PCLO: variants seen among roughly 807,000 people sequenced by gnomAD.
PCLO encodes the protein protein piccolo.
PCLO carries 82 observed loss-of-function variants against 427.5 expected under a neutral mutation model. The observed-to-expected ratio is 0.19, with a 90% confidence interval of 0.16 to 0.23. The LOEUF (loss-of-function observed/expected upper bound fraction) is 0.23, where lower values mean the gene tolerates loss of function less well. Ranked by LOEUF, PCLO falls within the 10% of genes least tolerant of loss-of-function variation. The pLI is 1.00. For synonymous variants in PCLO, 2,357 were observed against 2,155.4 expected (o/e 1.09, Z -2.59); for missense variants, 6,239 against 6,115.9 (o/e 1.02, Z -0.67).
intron 14 of PCLO, among the ~76,000 whole-genome samples, chr7:82,841,223 A>C (rs1039167366): frequency 2.7e-4 from 41 of 152,068 alleles, no homozygotes; most frequent in African/African-American, 9.2e-4. Flanking sequence ...AAACATGTTG[A>C]CACTGCTAAG....
chr7:83,155,779 T>C lies in PCLO; in HGVS notation c.862A>G (p.Ile288Val), dbSNP rs778759058. The part of the protein sequence containing the change: ...ASRPQTKQAD[I>V]VRGESVKPSL... ...GGTTTAACTGATTCTCCCCTTACTATGTCTGCCTGTTTAGTCTGAGGCCTG... is the reference window on the plus strand; with the variant it reads ...GGTTTAACTGATTCTCCCCTTACTACGTCTGCCTGTTTAGTCTGAGGCCTG... Residue 288 changes from isoleucine to valine, a missense_variant, in exon 2 of 25, where the codon ATA becomes GTA. Physicochemically the swap from Ile to Val is conservative, Grantham distance 29 (BLOSUM62 3). This residue lies in a region of PCLO where 4,677 missense variants were observed against 4,468.4 expected (regional missense o/e 1.05). Coordinates refer to ENST00000333891, the MANE Select transcript of PCLO (RefSeq NM_033026.6). The C allele has an allele frequency of 5.0e-6, 8 of 1,613,970 alleles. No homozygotes were observed. The highest frequency in any genetic ancestry group is 6.8e-6 in the Non-Finnish European group (8 of 1,179,864).
chr7:82,972,374 A>G (rs1291464968), intron 3 of PCLO, among the ~76,000 whole-genome samples: 2 of 152,042 alleles, frequency 1.3e-5, no homozygotes, highest in Non-Finnish European at 2.9e-5. Flanking sequence ...CTGTAACTAT[A>G]GCAACAATCC....
At chr7:82,770,249 C>T (rs7780906) in intron 22 of PCLO, among the ~76,000 whole-genome samples, 1 of 151,750 alleles carries the variant, frequency 6.6e-6, no homozygotes, top group Non-Finnish European at 1.5e-5. Context: ...TTCCCTTATT[C>T]TTTTTTTAAA....
chr7:82,962,707 A>G (rs1405260133), intron 4 of PCLO, among the ~76,000 whole-genome samples: 1 of 152,016 alleles, frequency 6.6e-6, no homozygotes, highest in East Asian at 1.9e-4. Flanking sequence ...AATATTAAAA[A>G]TTGAGAAGTA....
At chr7:82,869,628 G>C (rs1037714062) in intron 10 of PCLO, among the ~76,000 whole-genome samples, 3 of 151,902 alleles carry the variant, frequency 2.0e-5, no homozygotes, top group South Asian at 2.1e-4. Context: ...TATCGGTGTA[G>C]GGATAGAAAA....
At chr7:82,776,804 C>T (rs1562781155) in intron 22 of PCLO, among the ~76,000 whole-genome samples, 2 of 121,712 alleles carry the variant, frequency 1.6e-5, no homozygotes, top group Non-Finnish European at 3.4e-5. Context: ...CTCTCTTTCT[C>T]TCTCTCTTTC....
At chr7:82,841,676 A>G (rs543600130) in intron 13 of PCLO, among the ~76,000 whole-genome samples, 167 bp from the exon 14 acceptor site, 4 of 152,080 alleles carry the variant, frequency 2.6e-5, no homozygotes, top group Non-Finnish European at 4.4e-5. Flanking sequence ...TACGGTTCTC[A>G]ATACACATTT....
chr7:82,863,634 A>T (rs534810074), intron 10 of PCLO, among the ~76,000 whole-genome samples: 1 of 152,168 alleles, frequency 6.6e-6, no homozygotes, highest in East Asian at 1.9e-4. Flanking sequence ...GAATTGACTA[A>T]GAAGAAAACA....
At chr7:83,075,458 T>A (rs1371962768) in intron 3 of PCLO, among the ~76,000 whole-genome samples, 1 of 152,080 alleles carries the variant, frequency 6.6e-6, no homozygotes, top group East Asian at 1.9e-4. Context: ...TAAACTGAAT[T>A]CTAAACATTT....
intron 3 of PCLO, among the ~76,000 whole-genome samples, chr7:83,114,428 G>A (rs1031334970): frequency 4.6e-5 from 7 of 152,054 alleles, no homozygotes; most frequent in African/African-American, 1.7e-4. Context: ...AGAGGATGAA[G>A]AATTAAAAGT....
intron 20 of PCLO, among the ~76,000 whole-genome samples, chr7:82,808,307 G>T (rs1016372728): frequency 6.6e-6 from 1 of 151,602 alleles, no homozygotes; most frequent in East Asian, 1.9e-4. Context: ...AACTCACAAT[G>T]AACAAAAATA....
At chr7:82,987,680 T>G (rs1796286142) in intron 3 of PCLO, among the ~76,000 whole-genome samples, 1 of 151,984 alleles carries the variant, frequency 6.6e-6, no homozygotes, top group Non-Finnish European at 1.5e-5. Flanking sequence ...CAGAAAAAAA[T>G]CCTAATTCAA....
intron 22 of PCLO, among the ~76,000 whole-genome samples, chr7:82,770,338 T>C (rs1279428699): frequency 1.3e-5 from 2 of 152,072 alleles, no homozygotes; most frequent in Admixed American, 6.6e-5. Flanking sequence ...GTTTATAATA[T>C]GGAATGTTTA....
At chr7:83,127,286 G>A (rs1297177477) in intron 3 of PCLO, among the ~76,000 whole-genome samples, 1 of 151,928 alleles carries the variant, frequency 6.6e-6, no homozygotes, top group Admixed American at 6.5e-5. Context: ...GAAAATATGT[G>A]TAAGTTCACA....
At chr7:82,999,773 A>G (rs28778075) in intron 3 of PCLO, among the ~76,000 whole-genome samples, 259 of 16,528 alleles carry the variant, frequency 0.016, 84 homozygotes, top group African/African-American at 0.11. Flanking sequence ...AATATAATAT[A>G]TAATATTATA....
chr7:83,122,236 T>C (rs188537758), intron 3 of PCLO, among the ~76,000 whole-genome samples: 1 of 149,868 alleles, frequency 6.7e-6, no homozygotes, highest in East Asian at 2.0e-4. Flanking sequence ...TCCTCTAATA[T>C]CTATAATAAG....
intron 6 of PCLO, among the ~76,000 whole-genome samples, chr7:82,925,650 C>T (rs192402320): frequency 1.9e-3 from 287 of 151,900 alleles, no homozygotes; most frequent in Non-Finnish European, 2.6e-3. Flanking sequence ...CTGCTTCTAC[C>T]CTCTTTGGCT....
At chr7:83,080,089 T>G (rs1247106741) in intron 3 of PCLO, among the ~76,000 whole-genome samples, 1 of 152,210 alleles carries the variant, frequency 6.6e-6, no homozygotes, top group Non-Finnish European at 1.5e-5. Flanking sequence ...CCATGGTGTA[T>G]ATGTAACACA....
chr7:83,064,229 TAGTAA>T (rs2116326105), intron 3 of PCLO, among the ~76,000 whole-genome samples: 1 of 152,112 alleles, frequency 6.6e-6, no homozygotes, highest in South Asian at 2.1e-4. Flanking sequence ...ATGAAAGGTT[TAGTAA>T]AGTAATTATA....
Sources: allele counts gnomAD v4.1 joint callset (sites outside exome capture counted in the v4.1 genomes callset), GRCh38; gene constraint gnomAD v4.1.1; regional missense constraint gnomAD v4.1.1; transcripts MANE v1.5; gene names NCBI Gene and HGNC (gene_info 2026-07-23, HGNC 2026-07-21).